The following AK5 variants were observed in gnomAD, a reference collection of about 807,000 sequenced individuals.
AK5 encodes adenylate kinase 5.
AK5 carries 27 observed loss-of-function variants against 69.5 expected under a neutral mutation model. That is an observed-to-expected ratio of 0.39 (90% CI 0.29 to 0.54). The LOEUF (loss-of-function observed/expected upper bound fraction) is 0.54. Among genes scored for constraint, AK5 ranks in the 20% least tolerant of loss-of-function variants. The pLI is 0.71. For missense variants in AK5, 531 were observed against 700.4 expected (o/e 0.76, Z 2.73); for synonymous variants, 260 against 244.4 (o/e 1.06, Z -0.60).
chr1:77,550,940 G>A (rs966837883), intron 13 of AK5, among the ~76,000 whole-genome samples: 15 of 152,192 alleles, frequency 9.9e-5, no homozygotes, highest in Admixed American at 2.0e-4. Context: ...ACTTTGGGAG[G>A]CCAAGGCAGG....
chr1:77,529,111 ATAAC>A (rs5775408), intron 12 of AK5, among the ~76,000 whole-genome samples: 93,005 of 151,500 alleles, frequency 0.61, 31,392 homozygotes, highest in Non-Finnish European at 0.76. Flanking sequence ...AAAACAAAGA[ATAAC>A]TAACCACCCA....
At chr1:77,380,636 A>C (rs1210450941) in intron 6 of AK5, among the ~76,000 whole-genome samples, 2 of 152,238 alleles carry the variant, frequency 1.3e-5, no homozygotes, top group Non-Finnish European at 2.9e-5. Flanking sequence ...TGGGGAGTGC[A>C]AATATGACTA....
intron 1 of AK5, chr1:77,283,138 G>A: frequency 1.0e-6 from 1 of 985,796 alleles, no homozygotes; most frequent in Middle Eastern, 5.2e-4. Flanking sequence ...GGGAATGGGG[G>A]GACACTTGGA....
chr1:77,400,763 G>T (rs1213905435), intron 6 of AK5, among the ~76,000 whole-genome samples: 1 of 151,718 alleles, frequency 6.6e-6, no homozygotes, highest in Non-Finnish European at 1.5e-5. Context: ...AAGTTCTCTG[G>T]GTGCTGCCTA....
At chr1:77,430,065 T>C (rs1651502997) in intron 8 of AK5, among the ~76,000 whole-genome samples, 1 of 152,004 alleles carries the variant, frequency 6.6e-6, no homozygotes, top group Non-Finnish European at 1.5e-5. Flanking sequence ...TTTGTGTTTA[T>C]TTTTTAAAAC....
chr1:77,318,507 T>C (rs1314564213), intron 5 of AK5, among the ~76,000 whole-genome samples: 3 of 152,138 alleles, frequency 2.0e-5, no homozygotes, highest in Admixed American at 2.0e-4. Context: ...ACTTTCTGAC[T>C]GGAAGAGAAA....
intron 13 of AK5, among the ~76,000 whole-genome samples, chr1:77,545,390 C>G (rs1659489303): frequency 6.6e-6 from 1 of 152,154 alleles, no homozygotes; most frequent in African/African-American, 2.4e-5. Flanking sequence ...CTGTGAAACA[C>G]CTCCAGGTTA....
intron 5 of AK5, chr1:77,313,786 C>A: frequency 1.9e-6 from 1 of 530,382 alleles, no homozygotes; most frequent in Non-Finnish European, 3.9e-6. Flanking sequence ...TCTTTTACTT[C>A]TTTTTCAGTA....
At chr1:77,484,839 A>G (rs1278674306) in intron 9 of AK5, among the ~76,000 whole-genome samples, 6 of 152,258 alleles carry the variant, frequency 3.9e-5, no homozygotes, top group Non-Finnish European at 8.8e-5. Flanking sequence ...TTTTGTATAT[A>G]TCACAACATA....
intron 6 of AK5, chr1:77,340,892 C>T (rs1232384011): frequency 4.8e-6 from 1 of 206,592 alleles, no homozygotes; most frequent in Admixed American, 5.4e-5. Context: ...CCAGTCTCTC[C>T]ACTCTTTTGT....
intron 6 of AK5, among the ~76,000 whole-genome samples, chr1:77,357,798 T>G (rs558543496): frequency 1.2e-4 from 18 of 152,224 alleles, no homozygotes; most frequent in Non-Finnish European, 2.5e-4. Context: ...CAAATCTGTC[T>G]TGGCAGTTGC....
intron 10 of AK5, among the ~76,000 whole-genome samples, chr1:77,505,664 C>T (rs1483680167): frequency 6.6e-6 from 1 of 150,990 alleles, no homozygotes; most frequent in Non-Finnish European, 1.5e-5. Context: ...GCCAGGAGTT[C>T]AAGACTAGCC....
chr1:77,319,923 A>G (rs997412828), intron 5 of AK5, among the ~76,000 whole-genome samples: 3 of 152,210 alleles, frequency 2.0e-5, no homozygotes, highest in African/African-American at 7.2e-5. Context: ...TTCTAAAATG[A>G]ATAAACAGGG....
At chr1:77,328,515 A>G (rs945015794) in intron 5 of AK5, among the ~76,000 whole-genome samples, 28 of 152,050 alleles carry the variant, frequency 1.8e-4, no homozygotes, top group Non-Finnish European at 3.5e-4. Context: ...GAAAAAAAAA[A>G]ACTTCAACTT....
intron 5 of AK5, among the ~76,000 whole-genome samples, chr1:77,304,639 G>A (rs1240068480): frequency 2.6e-5 from 4 of 151,892 alleles, no homozygotes; most frequent in Non-Finnish European, 4.4e-5. Flanking sequence ...TCCAGACCTC[G>A]GGTGATCCAC....
rs533257302 is a variant in AK5, at chr1:77,311,695, A to G, written c.699+13748A>G. Among the ~76,000 whole-genome samples the G allele has an allele frequency of 5.9e-5, 9 of 152,182 alleles. No homozygotes were observed. The East Asian group carries it at 1.7e-3, about 29-fold the overall frequency. On this transcript the variant is annotated intron_variant, in intron 5 of 13. Transcript: ENST00000354567. The stretch of plus-strand genomic sequence containing the variant: ...GCTTTTTCCCCCTGATACTGAATCC[A>G]TTACTCATTGTCAGAGGCTTTGAAG...
At chr1:77,529,085 C>T (rs1401265710) in intron 12 of AK5, among the ~76,000 whole-genome samples, 1 of 139,732 alleles carries the variant, frequency 7.2e-6, no homozygotes, top group African/African-American at 2.5e-5. Context: ...TAGTATGAAA[C>T]AATACACAAA....
intron 8 of AK5, among the ~76,000 whole-genome samples, chr1:77,441,277 C>A (rs939041012): frequency 5.9e-5 from 9 of 151,810 alleles, no homozygotes; most frequent in Admixed American, 4.6e-4. Flanking sequence ...TTTTTAATTC[C>A]TTTTCCATCA....
chr1:77,392,569 T>C (rs2100529989), intron 6 of AK5, among the ~76,000 whole-genome samples: 1 of 152,324 alleles, frequency 6.6e-6, no homozygotes, highest in African/African-American at 2.4e-5. Flanking sequence ...TATATTGGTT[T>C]CTCTTCCGTG....
Sources: allele counts gnomAD v4.1 joint callset (sites outside exome capture counted in the v4.1 genomes callset), GRCh38; gene constraint gnomAD v4.1.1; transcripts MANE v1.5; gene names NCBI Gene and HGNC (gene_info 2026-07-23, HGNC 2026-07-21).